Variants in RSPH14 observed in about 807,000 individuals in gnomAD.
RSPH14 encodes radial spoke head 14 homolog.
RSPH14 carries 20 observed loss-of-function variants against 26.7 expected under a neutral mutation model. The ratio of observed to expected loss-of-function variants is 0.75; its 90% confidence interval spans 0.53 to 1.09. RSPH14 has a LOEUF of 1.09. RSPH14 is among the 50% of genes least tolerant of loss of function. The pLI, the probability that RSPH14 is intolerant of heterozygous loss-of-function variation, is 0.00. For synonymous variants in RSPH14, 177 were observed against 189.3 expected (o/e 0.93, Z 0.53); for missense variants, 449 against 457.2 (o/e 0.98, Z 0.16).
the RSPH14 span, chr22:23,162,407 C>T: frequency 5.7e-6 from 2 of 351,384 alleles, no homozygotes; most frequent in African/African-American, 4.3e-5. Context: ...CTGCCCTCCT[C>T]TGGCACTCAT....
At chr22:23,085,829 C>T (rs1360453938) in intron 4 of RSPH14, among the ~76,000 whole-genome samples, 1 of 152,212 alleles carries the variant, frequency 6.6e-6, no homozygotes, top group Non-Finnish European at 1.5e-5. Context: ...GGCCTAAGGC[C>T]ACAGCTATGA....
At chr22:23,167,125 C>CG in the RSPH14 span, among the ~76,000 whole-genome samples, 10 of 152,094 alleles carry the variant, frequency 6.6e-5, no homozygotes, top group Non-Finnish European at 1.3e-4. Context: ...CTGCTGCCAA[C>CG]CCCACTTGGA....
intron 4 of RSPH14, chr22:23,123,154 C>T: frequency 6.2e-7 from 1 of 1,613,842 alleles, no homozygotes; most frequent in Non-Finnish European, 8.5e-7. Flanking sequence ...ATCAACACCT[C>T]ACTCATCCTC....
At chr22:23,064,347 G>A (rs1352796219) in intron 4 of RSPH14, among the ~76,000 whole-genome samples, 1 of 152,246 alleles carries the variant, frequency 6.6e-6, no homozygotes, top group Non-Finnish European at 1.5e-5. Context: ...GGGGCTAAGG[G>A]CGGAGGCTCA....
At chr22:23,144,576 G>C (rs1365178421), upstream of RSPH14, among the ~76,000 whole-genome samples, 1 of 152,170 alleles carries the variant, frequency 6.6e-6, no homozygotes, top group Admixed American at 6.5e-5. Context: ...AACAGAGCCA[G>C]GTGTGGTGGC....
At chr22:23,138,751 C>T in intron 3 of RSPH14, 89 bp downstream of exon 3, 1 of 1,078,380 alleles carries the variant, frequency 9.3e-7, no homozygotes, top group Non-Finnish European at 1.4e-6. Context: ...AGACAACACT[C>T]CAGAGCACTC....
At chr22:23,162,887 A>AT in the RSPH14 span, 5 of 318,438 alleles carry the variant, frequency 1.6e-5, 1 homozygote, top group Middle Eastern at 1.2e-3. Context: ...CCTTCAACAT[A>AT]TTTTTTGTAG....
At chr22:23,078,872 C>T (rs9306383) in intron 4 of RSPH14, among the ~76,000 whole-genome samples, 3 of 152,014 alleles carry the variant, frequency 2.0e-5, no homozygotes, top group African/African-American at 4.8e-5. Context: ...AGGGCTTAGT[C>T]GTGGGGCAGC....
At chr22:23,086,681 A>G (rs2068830142) in intron 4 of RSPH14, among the ~76,000 whole-genome samples, 1 of 152,246 alleles carries the variant, frequency 6.6e-6, no homozygotes, top group Admixed American at 6.5e-5. Context: ...AGATGTGTGG[A>G]AATGGCTCCA....
At chr22:23,145,218 A>C, upstream of RSPH14, 1 of 767,804 alleles carries the variant, frequency 1.3e-6, no homozygotes, top group East Asian at 2.6e-5. Flanking sequence ...CCCAGGGCTC[A>C]GGCTCCGCCC....
At chr22:23,150,255 G>A in the RSPH14 span, 4 of 953,862 alleles carry the variant, frequency 4.2e-6, no homozygotes, top group African/African-American at 1.6e-5. Flanking sequence ...CACGAGGCTG[G>A]TGCAGCCCTG....
chr22:23,099,431 C>T (rs1304668640), intron 4 of RSPH14, among the ~76,000 whole-genome samples: 1 of 152,260 alleles, frequency 6.6e-6, no homozygotes, highest in Non-Finnish European at 1.5e-5. Context: ...AAGCCCAACA[C>T]CCAGCTGGGG....
At chr22:23,154,510 T>A in the RSPH14 span, among the ~76,000 whole-genome samples, 1 of 152,180 alleles carries the variant, frequency 6.6e-6, no homozygotes, top group South Asian at 2.1e-4. Flanking sequence ...GCTGCAGGAC[T>A]GAGGGATCCA....
chr22:23,157,528 G>T, the RSPH14 span, among the ~76,000 whole-genome samples: 1 of 152,134 alleles, frequency 6.6e-6, no homozygotes, highest in Non-Finnish European at 1.5e-5. Flanking sequence ...CAAAGTGCTG[G>T]AATTACAGGC....
At chr22:23,171,113 G>A in the RSPH14 span, among the ~76,000 whole-genome samples, 8 of 151,940 alleles carry the variant, frequency 5.3e-5, no homozygotes, top group East Asian at 1.9e-4. Flanking sequence ...GACTACAGGC[G>A]TGCACCACCA....
intron 4 of RSPH14, among the ~76,000 whole-genome samples, chr22:23,080,202 A>G (rs1260650272): frequency 1.3e-5 from 2 of 152,206 alleles, no homozygotes; most frequent in Non-Finnish European, 2.9e-5. Flanking sequence ...GCCCAGAGAA[A>G]TATCTGGCTT....
intron 4 of RSPH14, among the ~76,000 whole-genome samples, chr22:23,112,315 A>G (rs2069679313): frequency 6.6e-6 from 1 of 152,194 alleles, no homozygotes; most frequent in African/African-American, 2.4e-5. Context: ...CCCCGCCCCA[A>G]GCACACCAGG....
At chr22:23,120,174 G>C (rs1346031701) in intron 4 of RSPH14, among the ~76,000 whole-genome samples, 1 of 152,192 alleles carries the variant, frequency 6.6e-6, no homozygotes, top group Non-Finnish European at 1.5e-5. Context: ...TCAGGAACAG[G>C]AGGCTCAAAG....
chr22:23,156,545 A>G, the RSPH14 span, among the ~76,000 whole-genome samples: 4 of 152,184 alleles, frequency 2.6e-5, no homozygotes, highest in African/African-American at 9.7e-5. Flanking sequence ...GGGCGGCAGC[A>G]TAAGCTCCGG....
Sources: gnomAD v4.1 joint callset for allele counts (sites outside exome capture counted in the v4.1 genomes callset) on GRCh38, gnomAD v4.1.1 for gene constraint, MANE v1.5 for transcripts, NCBI Gene and HGNC (gene_info 2026-07-23, HGNC 2026-07-21) for gene names.